MKRN1: variants seen among roughly 807,000 people sequenced by gnomAD.
The protein encoded by MKRN1 is makorin ring finger protein 1.
In MKRN1, 9 loss-of-function variants were observed where a neutral mutation model predicts 55.5. The observed-to-expected ratio is 0.16, with a 90% CI of 0.10 to 0.28. MKRN1 has a LOEUF of 0.28. Ranked by LOEUF, MKRN1 falls within the 10% of genes least tolerant of loss-of-function variation. The pLI is 1.00. For synonymous variants in MKRN1, 253 were observed against 235.9 expected, an observed-to-expected ratio of 1.07 and a Z score of -0.66; for missense variants, 488 against 626.7, an observed-to-expected ratio of 0.78 and a Z score of 2.36.
At chr7:140,469,867 G>A in intron 2 of MKRN1, among the ~76,000 whole-genome samples, 1 of 152,022 alleles carries the variant, frequency 6.6e-6, no homozygotes, top group East Asian at 1.9e-4. Context: ...TTTCAACAAG[G>A]TGAAACCCCA....
chr7:140,470,232 A>T (rs1211900582), intron 2 of MKRN1, among the ~76,000 whole-genome samples: 1 of 149,784 alleles, frequency 6.7e-6, no homozygotes, highest in African/African-American at 2.5e-5. Flanking sequence ...AAAAAAAAAA[A>T]GGCCAAGTGG....
chr7:140,473,153 T>C (rs2130351667), intron 1 of MKRN1: 4 of 387,344 alleles, frequency 1.0e-5, no homozygotes, highest in South Asian at 7.5e-5. Flanking sequence ...AAAGAATTTC[T>C]CCTCCAAACA....
chr7:140,474,473 C>T lies in MKRN1; in HGVS notation c.186-2462G>A, dbSNP rs79050370. ...CAGAGGTTGCAGTGAACCAGGATCACGCCACTGAGACTCCGTCTCAAAAAA... is the reference window on the plus strand; with the variant it reads ...CAGAGGTTGCAGTGAACCAGGATCATGCCACTGAGACTCCGTCTCAAAAAA... On this transcript the variant is annotated intron_variant, in intron 1 of 7. Coordinates refer to ENST00000255977, the MANE Select transcript of MKRN1 (RefSeq NM_013446.4). 4.7e-3 allele frequency: 1,522 copies of T among 324,494 alleles called. 23 individuals carry two copies. The highest frequency in any genetic ancestry group is 0.031 in the African/African-American group (1,355 of 43,474). The allele number at this position is 324,494 out of a possible 1,614,324, so 20.1% of individuals were successfully genotyped here. A position where few individuals can be genotyped will look rare whatever the true frequency, so the allele number is the denominator to read the frequency against.
At chr7:140,457,539 G>A (rs1322536593) in intron 4 of MKRN1, among the ~76,000 whole-genome samples, 1 of 152,074 alleles carries the variant, frequency 6.6e-6, no homozygotes, top group East Asian at 1.9e-4. Flanking sequence ...AGACCAGCCT[G>A]GTCAACATGG....
chr7:140,474,644 T>C (rs1479994623), intron 1 of MKRN1, among the ~76,000 whole-genome samples: 1 of 152,178 alleles, frequency 6.6e-6, no homozygotes, highest in Admixed American at 6.6e-5. Context: ...ACAACCACTA[T>C]GTAGTTTCCA....
In MKRN1 at chr7:140,479,286, G is replaced by A. The variant is rs374472977; in HGVS notation, c.59C>T (p.Ala20Val). 53 of 1,387,588 alleles carry A rather than the reference G, an allele frequency of 3.8e-5. No individual in the cohort carries two copies. The highest frequency in any genetic ancestry group is 4.8e-5 in the Non-Finnish European group (51 of 1,070,406). 86.0% of individuals were successfully genotyped at this position (1,387,588 alleles called of 1,614,324 possible). The change falls in exon 1 of 8, where the codon GCG becomes GTG. Residue 20 changes from alanine to valine, a missense_variant. Physicochemically the swap from Ala to Val is moderately conservative, Grantham distance 64 (BLOSUM62 0). Transcript: ENST00000255977. ...TATTSGAGAA[A>V]ATAAAASPTP... Reference sequence around the variant, plus strand: ...GGGGGAGGCTGCTGCCGCCGTCGCCGCTGCCGCTCCTGCTCCTGATGTTGT... The same window carrying A: ...GGGGGAGGCTGCTGCCGCCGTCGCCACTGCCGCTCCTGCTCCTGATGTTGT...
intron 5 of MKRN1, chr7:140,456,330 A>T (rs1794464479): frequency 9.1e-6 from 11 of 1,214,228 alleles, no homozygotes; most frequent in Non-Finnish European, 1.1e-5. Flanking sequence ...GGAAATGTAA[A>T]ACGTCAGGAA....
chr7:140,463,843 C>T (rs560184072), intron 2 of MKRN1, among the ~76,000 whole-genome samples: 7 of 152,034 alleles, frequency 4.6e-5, no homozygotes, highest in Admixed American at 2.0e-4. Context: ...GAGCTGAGAT[C>T]GCGCCACTGC....
chr7:140,478,620 G>GCGGAGGGA (rs896300607), intron 1 of MKRN1: 8 of 151,772 alleles, frequency 5.3e-5, no homozygotes, highest in African/African-American at 1.9e-4. Context: ...AGGATGGGGG[G>GCGGAGGGA]CGGAGGGACG....
At chr7:140,455,662 TAA>T in intron 6 of MKRN1, 126 bp downstream of exon 6, 1 of 707,314 alleles carries the variant, frequency 1.4e-6, no homozygotes, top group South Asian at 1.8e-5. Flanking sequence ...GGTGACAAAA[TAA>T]ACTGTCCTGG....
chr7:140,472,723 A>AAG, intron 1 of MKRN1, among the ~76,000 whole-genome samples: 1 of 151,252 alleles, frequency 6.6e-6, no homozygotes, highest in Non-Finnish European at 1.5e-5. Flanking sequence ...CTATTTTGAC[A>AAG]TTCCAGCCTG....
At chr7:140,475,315 C>A in intron 1 of MKRN1, 1 of 398,910 alleles carries the variant, frequency 2.5e-6, no homozygotes, top group Non-Finnish European at 5.0e-6. Context: ...TGCACTCCAG[C>A]TTGGGCGACA....
intron 4 of MKRN1, among the ~76,000 whole-genome samples, chr7:140,458,675 GA>G (rs1026475522): frequency 3.9e-5 from 6 of 152,000 alleles, no homozygotes; most frequent in Non-Finnish European, 8.8e-5. Context: ...TTTAAAAGAG[GA>G]AAAAAATGTT....
chr7:140,464,766 AAAT>A (rs907975293), intron 2 of MKRN1, among the ~76,000 whole-genome samples: 16 of 152,206 alleles, frequency 1.1e-4, no homozygotes, highest in Non-Finnish European at 2.1e-4. Flanking sequence ...AAAAAAAAAA[AAAT>A]TAGTTATTTT....
At chr7:140,457,644 G>C (rs566594967) in intron 4 of MKRN1, among the ~76,000 whole-genome samples, 2 of 151,894 alleles carry the variant, frequency 1.3e-5, no homozygotes, top group Admixed American at 1.3e-4. Flanking sequence ...GCTGCAGTGA[G>C]CCGAGACTGC....
At chr7:140,455,396 C>T in intron 6 of MKRN1, 163 bp from the exon 7 acceptor site, 1 of 820,376 alleles carries the variant, frequency 1.2e-6, no homozygotes, top group South Asian at 1.8e-5. Context: ...ATGCAAGAAA[C>T]ACTAACTAGA....
chr7:140,471,828 CTT>C, intron 2 of MKRN1, 53 bp downstream of exon 2: 4 of 1,592,118 alleles, frequency 2.5e-6, no homozygotes, highest in Non-Finnish European at 3.4e-6. Flanking sequence ...AGAAGTATGT[CTT>C]TTACCTTTTT....
chr7:140,454,785 T>C (rs1794420619), intron 7 of MKRN1, 56 bp from the exon 8 acceptor site: 4 of 1,560,258 alleles, frequency 2.6e-6, no homozygotes, highest in Admixed American at 3.4e-5. Context: ...TCTTCTATCC[T>C]GTTGTTTATA....
At chr7:140,464,904 C>T (rs1289894263) in intron 2 of MKRN1, among the ~76,000 whole-genome samples, 1 of 152,162 alleles carries the variant, frequency 6.6e-6, no homozygotes, top group Non-Finnish European at 1.5e-5. Context: ...GATCCTCCCA[C>T]CTCAGTCTCC....
Sources: allele counts gnomAD v4.1 joint callset (sites outside exome capture counted in the v4.1 genomes callset), GRCh38; gene constraint gnomAD v4.1.1; transcripts MANE v1.5; gene names NCBI Gene and HGNC (gene_info 2026-07-23, HGNC 2026-07-21).